Variants in PTCHD4 observed in about 807,000 individuals in gnomAD.
The protein encoded by PTCHD4 is patched domain containing 4.
Under a neutral mutation model 58.1 loss-of-function variants are expected in PTCHD4, and 33 were observed. That is an observed-to-expected ratio of 0.57 (90% CI 0.43 to 0.76). PTCHD4 has a LOEUF of 0.76. PTCHD4 is among the 30% of genes least tolerant of loss of function. PTCHD4 has a pLI of 0.00. For synonymous variants in PTCHD4, 478 were observed against 409.6 expected, an observed-to-expected ratio of 1.17 and a Z score of -2.02; for missense variants, 1,058 against 1,027.1, an observed-to-expected ratio of 1.03 and a Z score of -0.41.
chr6:48,073,626 G>C (rs1765013505), intron 1 of PTCHD4, among the ~76,000 whole-genome samples: 1 of 152,176 alleles, frequency 6.6e-6, no homozygotes, highest in African/African-American at 2.4e-5. Context: ...TCCAGGAAAG[G>C]AATCAAGCTC....
Position 48,028,162 on chromosome 6 carries a change from C to T in PTCHD4, c.418-19048G>A, listed in dbSNP as rs116359588. Among the ~76,000 whole-genome samples, 1,116 of 152,082 alleles carry T rather than the reference C, an allele frequency of 7.3e-3. 15 individuals are homozygous for T. Among genetic ancestry groups the T allele is most frequent in the African/African-American group, 0.024 (988 of 41,490 alleles). ...TTCGCATTGTTGGCCAGCCTGGTCT[C>T]GAACACCTAGCCTCAAGTGATCTGC... On this transcript the variant is annotated intron_variant, in intron 3 of 4. Coordinates refer to ENST00000339488, the MANE Select transcript of PTCHD4 (RefSeq NM_001384253.1).
chr6:47,891,220 TCAAAA>T (rs1410326801), intron 4 of PTCHD4, among the ~76,000 whole-genome samples: 1 of 48,482 alleles, frequency 2.1e-5, no homozygotes, highest in Admixed American at 2.8e-4. Flanking sequence ...AGACTGTGTC[TCAAAA>T]AAAAAAAAAA....
chr6:47,913,806 G>A (rs74939207), intron 4 of PTCHD4, among the ~76,000 whole-genome samples: 7,765 of 152,192 alleles, frequency 0.051, 261 homozygotes, highest in African/African-American at 0.076. Context: ...TGCAGAGGTT[G>A]TTAAAATGTA....
At chr6:48,096,874 A>G (rs1014948187) in intron 1 of PTCHD4, among the ~76,000 whole-genome samples, 17 of 152,166 alleles carry the variant, frequency 1.1e-4, no homozygotes, top group Admixed American at 1.0e-3. Flanking sequence ...AGAATAATCA[A>G]TGTAAAAAGA....
chr6:48,027,559 C>T (rs1281523875), intron 3 of PTCHD4, among the ~76,000 whole-genome samples: 1 of 152,024 alleles, frequency 6.6e-6, no homozygotes, highest in Admixed American at 6.6e-5. Context: ...TAGAGTTATG[C>T]TAAGTAACAG....
At chr6:48,004,215 TCA>T (rs970585154) in intron 4 of PTCHD4, among the ~76,000 whole-genome samples, 1 of 152,160 alleles carries the variant, frequency 6.6e-6, no homozygotes, top group Non-Finnish European at 1.5e-5. Context: ...TAAATGAGTC[TCA>T]GTTTGGAAAA....
intron 4 of PTCHD4, among the ~76,000 whole-genome samples, chr6:47,897,738 C>A (rs189118301): frequency 1.5e-3 from 222 of 152,210 alleles, no homozygotes; most frequent in Non-Finnish European, 2.1e-3. Flanking sequence ...TATTTAGCTT[C>A]TTTGATGTAT....
chr6:47,924,429 G>A (rs1765530502), intron 4 of PTCHD4, among the ~76,000 whole-genome samples: 2 of 152,196 alleles, frequency 1.3e-5, no homozygotes. Flanking sequence ...GGGAGTAGGT[G>A]TGGAGGTTAA....
At chr6:48,063,450 C>G (rs1338849423) in intron 3 of PTCHD4, among the ~76,000 whole-genome samples, 1 of 152,092 alleles carries the variant, frequency 6.6e-6, no homozygotes, top group Non-Finnish European at 1.5e-5. Flanking sequence ...GTATAAAGGG[C>G]TGTTGTTACA....
chr6:47,878,572 C>T lies in PTCHD4; in HGVS notation c.2263G>A (p.Ala755Thr). 1 of 1,613,552 alleles carries T rather than the reference C, an allele frequency of 6.2e-7. No homozygotes were observed. Among genetic ancestry groups the T allele is most frequent in the Non-Finnish European group, 8.5e-7 (1 of 1,179,726 alleles). ...AAAGAAGTAACATTTTGCAAAATGG[C>T]TGTCCCATGGTCTTGCAAGGAGCTT... ...IKSSLQDHGT[A>T]ILQNVTSFLI... Residue 755 changes from alanine (A) to threonine (T), a missense_variant, in exon 5 of 5, where the codon GCC becomes ACC. Transcript: ENST00000339488.
chr6:48,104,327 T>C (rs562569435), intron 1 of PTCHD4, among the ~76,000 whole-genome samples: 1 of 152,174 alleles, frequency 6.6e-6, no homozygotes, highest in African/African-American at 2.4e-5. Flanking sequence ...ATTTTCAAGC[T>C]AGAATTTCAT....
intron 4 of PTCHD4, among the ~76,000 whole-genome samples, chr6:47,940,960 C>T (rs960379190): frequency 6.6e-6 from 1 of 152,170 alleles, no homozygotes; most frequent in African/African-American, 2.4e-5. Context: ...TAAATCTTGA[C>T]TTCCTGACAC....
rs988972614 is a variant in PTCHD4, at chr6:47,886,582, T to C, written c.899-6646A>G. On this transcript the variant is annotated intron_variant, in intron 4 of 4. Coordinates refer to ENST00000339488, the MANE Select transcript of PTCHD4 (RefSeq NM_001384253.1). ...TTTGGTTAGCTACACTTTCAATAAT[T>C]GTGTTTGTGAAAATCACCCCCGATC... 2.6e-5 allele frequency among the ~76,000 whole-genome samples: 4 copies of C among 152,304 alleles called. No homozygotes were observed. In the East Asian group the frequency reaches 7.7e-4, roughly 29 times the overall value.
In PTCHD4 at chr6:47,863,790, C is replaced by T. The variant is rs1763488309; in HGVS notation, c.*14513G>A. Among the ~76,000 whole-genome samples, 1 of 151,894 alleles carries T rather than the reference C, an allele frequency of 6.6e-6. No homozygotes were observed. Among genetic ancestry groups the T allele is most frequent in the South Asian group, 2.1e-4 (1 of 4,832 alleles). ...CCTTGGTTCCATGTTCCTAAATTTTCTTCATGAAAAGACTGTCCAGAGCAA... is the reference window on the plus strand; with the variant it reads ...CCTTGGTTCCATGTTCCTAAATTTTTTTCATGAAAAGACTGTCCAGAGCAA... On this transcript the variant is annotated 3_prime_UTR_variant, in exon 5 of 5. Transcript: ENST00000339488.
intron 4 of PTCHD4, among the ~76,000 whole-genome samples, chr6:47,921,839 G>A (rs912848288): frequency 6.6e-6 from 1 of 151,688 alleles, no homozygotes; most frequent in East Asian, 1.9e-4. Flanking sequence ...AGCAAAATAG[G>A]GTGGCTCATG....
chr6:47,911,853 G>A (rs1460645552), intron 4 of PTCHD4, among the ~76,000 whole-genome samples: 5 of 151,984 alleles, frequency 3.3e-5, no homozygotes, highest in Non-Finnish European at 7.4e-5. Flanking sequence ...TGAGATCTAG[G>A]GAATAAATGC....
At chr6:47,901,410 C>T (rs1015127207) in intron 4 of PTCHD4, 3 of 970,460 alleles carry the variant, frequency 3.1e-6, no homozygotes, top group East Asian at 2.3e-4. Flanking sequence ...ATCTCAAACA[C>T]GATAATTGTT....
At chr6:48,007,936 G>GCGCGCGCACA (rs935818683) in intron 4 of PTCHD4, among the ~76,000 whole-genome samples, 11 of 150,244 alleles carry the variant, frequency 7.3e-5, no homozygotes, top group African/African-American at 2.7e-4. Flanking sequence ...GTGCGCGCGC[G>GCGCGCGCACA]CACACACACA....
chr6:47,967,658 A>T (rs946136784), intron 4 of PTCHD4, among the ~76,000 whole-genome samples: 2 of 152,136 alleles, frequency 1.3e-5, no homozygotes, highest in Admixed American at 1.3e-4. Flanking sequence ...TTTCTGGATA[A>T]CTTGCTGCAG....
Sources: allele counts gnomAD v4.1 joint callset (sites outside exome capture counted in the v4.1 genomes callset), GRCh38; gene constraint gnomAD v4.1.1; transcripts MANE v1.5; gene names NCBI Gene and HGNC (gene_info 2026-07-23, HGNC 2026-07-21).